Variants in FAM83E observed in about 807,000 individuals in gnomAD.
FAM83E encodes the protein scaffolding CK1 anchoring protein E.
A neutral mutation model predicts 34.3 loss-of-function variants in FAM83E; 29 were observed. The ratio of observed to expected loss-of-function variants is 0.85; its 90% CI spans 0.63 to 1.15. The LOEUF is 1.15. Ranked by LOEUF, FAM83E falls within the 50% of genes most tolerant of loss-of-function variation. FAM83E has a pLI of 0.00. For synonymous variants in FAM83E, 312 were observed against 311.6 expected (o/e 1.00, Z -0.01); for missense variants, 697 against 685.0 (o/e 1.02, Z -0.20).
At chr19:48,609,732 C>T in intron 5 of FAM83E, 144 bp downstream of exon 5, 1 of 940,430 alleles carries the variant, frequency 1.1e-6, no homozygotes, top group Non-Finnish European at 1.6e-6. Flanking sequence ...CACCAACCTC[C>T]TCCGCAGGGA....
intron 6 of FAM83E, among the ~76,000 whole-genome samples, chr19:48,602,670 G>T: frequency 1.0e-5 from 1 of 98,388 alleles, no homozygotes; most frequent in African/African-American, 4.2e-5. Context: ...AGGCATTGCA[G>T]AGCAAGACCC....
At chr19:48,605,529 C>T (rs1268721558) in intron 5 of FAM83E, among the ~76,000 whole-genome samples, 1 of 151,800 alleles carries the variant, frequency 6.6e-6, no homozygotes, top group African/African-American at 2.4e-5. Flanking sequence ...GAGCCAAGAT[C>T]GCGCCACTGC....
rs1021888439 is a variant in FAM83E, at chr19:48,600,390, C to T, written c.*719G>A. On this transcript the variant is annotated 3_prime_UTR_variant, in exon 7 of 7. Transcript: ENST00000263266. Reference sequence around the variant, plus strand: ...TCGCTCTGTCACCCAGGCTGGAGTGCAGTGGCGTGATCTCAGCTCACTGCA... The same window carrying T: ...TCGCTCTGTCACCCAGGCTGGAGTGTAGTGGCGTGATCTCAGCTCACTGCA... 3.3e-5 allele frequency among the ~76,000 whole-genome samples: 5 copies of T among 152,214 alleles called. No individual in the cohort carries two copies. Among genetic ancestry groups the T allele is most frequent in the Non-Finnish European group, 5.9e-5 (4 of 68,040 alleles).
chr19:48,607,712 G>T, intron 5 of FAM83E: 1 of 225,604 alleles, frequency 4.4e-6, no homozygotes, highest in Non-Finnish European at 8.7e-6. Context: ...TGATGTTCAT[G>T]GAGCATTCTT....
rs912203140 is a variant in FAM83E, at chr19:48,614,703, C to T, written c.-1256+5G>A. 4.7e-6 allele frequency: 4 copies of T among 851,904 alleles called. No homozygotes were observed. In the Admixed American group the frequency reaches 2.7e-4, roughly 58 times the overall value. The allele number at this position is 851,904 out of a possible 1,614,324, so 52.8% of individuals were successfully genotyped here. A position where few individuals can be genotyped will look rare whatever the true frequency, so the allele number is the denominator to read the frequency against. The stretch of plus-strand genomic sequence containing the variant: ...TCACCCATCCCCCCCATCGCCGGGG[C>T]TCACCCACACCGGCTAGTGCCGGGC... On this transcript the variant is annotated splice_donor_5th_base_variant and intron_variant, in intron 2 of 6. Coordinates refer to ENST00000263266, the MANE Select transcript of FAM83E (RefSeq NM_017708.4).
In FAM83E at chr19:48,613,507, G is replaced by GA. The variant is rs555990077; in HGVS notation, c.-136_-135insT. ...GTGGCCATCCGAGGCCTCCGGCGGGGCCCTGCAGATGTCCAAATGGCTCCC... is the reference window on the plus strand; with the variant it reads ...GTGGCCATCCGAGGCCTCCGGCGGGGACCCTGCAGATGTCCAAATGGCTCCC... On this transcript the variant is annotated 5_prime_UTR_variant, in exon 3 of 7. An upstream open reading frame in the 5' UTR gains an earlier in-frame stop. Coordinates refer to ENST00000263266, the MANE Select transcript of FAM83E (RefSeq NM_017708.4). 5.4e-5 allele frequency: 77 copies of GA among 1,427,774 alleles called. No homozygotes were observed. In the East Asian group the frequency reaches 1.2e-3, roughly 23 times the overall value. 88.4% of individuals were successfully genotyped at this position (1,427,774 alleles called of 1,614,324 possible). A position where few individuals can be genotyped will look rare whatever the true frequency, so the allele number is the denominator to read the frequency against.
intron 5 of FAM83E, 92 bp from the exon 6 acceptor site, chr19:48,604,003 A>C: frequency 1.5e-6 from 2 of 1,352,148 alleles, no homozygotes; most frequent in Non-Finnish European, 2.0e-6. Context: ...AGACCGTAGG[A>C]CCTCAGGCGA....
rs890951754 is a variant in FAM83E at position 48,614,422 on chromosome 19, C to T, written c.-1050G>A. 18 of 985,526 alleles carry T rather than the reference C, an allele frequency of 1.8e-5. No individual in the cohort carries two copies. In the Admixed American group the frequency reaches 1.8e-4, roughly 10 times the overall value. The allele number at this position is 985,526 out of a possible 1,614,324, so 61.0% of individuals were successfully genotyped here. ...CCCCAGCCTGGTTTCTGCCTAAATGCTATCTCCTGCCAGCTACCCGGACGC... is the reference window on the plus strand; with the variant it reads ...CCCCAGCCTGGTTTCTGCCTAAATGTTATCTCCTGCCAGCTACCCGGACGC... On this transcript the variant is annotated 5_prime_UTR_variant, in exon 3 of 7. Coordinates refer to ENST00000263266, the MANE Select transcript of FAM83E (RefSeq NM_017708.4).
chr19:48,612,196 G>A lies in FAM83E; in HGVS notation c.465+712C>T, dbSNP rs1052869262. On this transcript the variant is annotated intron_variant, in intron 3 of 6. Transcript: ENST00000263266. ...AGAAACCCTTCACGTGGGAGCTGGC[G>A]GACGCTAAGGCTGTGAAGTACACAG... Among the ~76,000 whole-genome samples, 8 of 152,200 alleles carry A rather than the reference G, an allele frequency of 5.3e-5. No homozygotes were observed. In the South Asian group the frequency reaches 8.3e-4, roughly 16 times the overall value.
chr19:48,613,227 C>CAGGTCTGG lies in FAM83E; in HGVS notation c.138_145dup (p.Cys49SerfsTer53). On this transcript the variant is annotated frameshift_variant, in exon 3 of 7. Transcript: ENST00000263266. LOFTEE classifies it high-confidence loss of function. ...GGGCCACAGCTCCTCGCGCTGCACG[C>CAGGTCTGG]AGGTCTGGAACGCCTCCGCGCCCTT... The CAGGTCTGG allele has an allele frequency of 6.2e-7, 1 of 1,610,898 alleles. No individual in the cohort carries two copies. Among genetic ancestry groups the CAGGTCTGG allele is most frequent in the Non-Finnish European group, 8.5e-7 (1 of 1,179,926 alleles).
chr19:48,614,676 C>CCTCACCCATCCCCCCCATCGCCGGGG, intron 2 of FAM83E, 32 bp downstream of exon 2: 1 of 982,954 alleles, frequency 1.0e-6, no homozygotes, highest in Non-Finnish European at 1.2e-6. Flanking sequence ...CCCGCCCCAC[C>CCTCACCCATCCCCCCCATCGCCGGGG]CTCACCCATC....
At chr19:48,609,265 C>CTTTTTTTTTTT (rs869031073) in intron 5 of FAM83E, among the ~76,000 whole-genome samples, 454 of 99,694 alleles carry the variant, frequency 4.6e-3, no homozygotes, top group Middle Eastern at 0.017. Context: ...TTCTTTCTTT[C>CTTTTTTTTTTT]TTTTTTTTTT....
chr19:48,613,825 T>C lies in FAM83E; in HGVS notation c.-453A>G. 5 of 985,448 alleles carry C rather than the reference T, an allele frequency of 5.1e-6. No individual in the cohort carries two copies. Among genetic ancestry groups the C allele is most frequent in the Non-Finnish European group, 6.0e-6 (5 of 829,940 alleles). The allele number at this position is 985,448 out of a possible 1,614,324, so 61.0% of individuals were successfully genotyped here. A position where few individuals can be genotyped will look rare whatever the true frequency, so the allele number is the denominator to read the frequency against. ...TCAGCTGTCCTGAATTTGGTCAGGC[T>C]GACCACTTGATCATTTCCAGGCGGC... On this transcript the variant is annotated 5_prime_UTR_variant, in exon 3 of 7. Coordinates refer to ENST00000263266, the MANE Select transcript of FAM83E (RefSeq NM_017708.4).
rs753358971 is a variant in FAM83E, at chr19:48,612,996, G to A, written c.377C>T (p.Thr126Ile). The A allele has an allele frequency of 1.2e-6, 2 of 1,605,320 alleles. No homozygotes were observed. The highest frequency in any genetic ancestry group is 1.7e-5 in the Admixed American group (1 of 58,650). Residue 126 changes from threonine to isoleucine, a missense_variant, in exon 3 of 7, where the codon ACC becomes ATC. Physicochemically the swap from Thr to Ile is moderately conservative, Grantham distance 89. Coordinates refer to ENST00000263266, the MANE Select transcript of FAM83E (RefSeq NM_017708.4). The part of the protein sequence containing the change: ...WPVDSAWKGI[T>I]RAQLYTQPPG... ...AGGCTGGGTGTACAGCTGCGCCCGGGTGATGCCTTTCCACGCAGAGTCCAC... is the reference window on the plus strand; with the variant it reads ...AGGCTGGGTGTACAGCTGCGCCCGGATGATGCCTTTCCACGCAGAGTCCAC...
intron 5 of FAM83E, among the ~76,000 whole-genome samples, chr19:48,605,780 A>T (rs752700261): frequency 4.7e-4 from 71 of 151,870 alleles, no homozygotes; most frequent in Admixed American, 8.5e-4. Flanking sequence ...TGAACTCCTG[A>T]GCTCAGGTGA....
Position 48,601,135 on chromosome 19 carries a change from G to C in FAM83E, c.1411C>G (p.Arg471Gly), listed in dbSNP as rs561108431. The change falls in exon 7 of 7, where the codon CGG (arginine) becomes GGG (glycine). Residue 471 changes from arginine (R) to glycine (G), a missense_variant. Transcript: ENST00000263266. Reference sequence around the variant, plus strand: ...CAGGGTTGCCCCCCAAGTCCTGCCCGGGGGGCCCAGTCTGACGGCCTGACG... The same window carrying C: ...CAGGGTTGCCCCCCAAGTCCTGCCCCGGGGGCCCAGTCTGACGGCCTGACG... Reference protein sequence around the residue: ...RGVRPSDWAPRAGLGGQP With the variant: ...RGVRPSDWAPGAGLGGQP 30 of 1,612,030 alleles carry C rather than the reference G, an allele frequency of 1.9e-5. No homozygotes were observed. In the South Asian group the frequency reaches 2.3e-4, roughly 12 times the overall value.
At chr19:48,602,551 T>TG (rs1973837303) in intron 6 of FAM83E, among the ~76,000 whole-genome samples, 1 of 150,080 alleles carries the variant, frequency 6.7e-6, no homozygotes, top group Non-Finnish European at 1.5e-5. Context: ...TGGGTGAGGG[T>TG]GCTCAGGACC....
At position 48,610,012 on chromosome 19, in the gene FAM83E, G is replaced by A; in HGVS notation, c.634-12C>T. ...CGGACATCCACGTTCTGTTGGTGTG[G>A]GGAGTGGAGGGTACACCCTTGCTGA... On this transcript the variant is annotated splice_polypyrimidine_tract_variant and intron_variant, in intron 4 of 6. Coordinates refer to ENST00000263266, the MANE Select transcript of FAM83E (RefSeq NM_017708.4). 2 of 1,609,516 alleles carry A rather than the reference G, an allele frequency of 1.2e-6. No individual in the cohort carries two copies. Among genetic ancestry groups the A allele is most frequent in the Non-Finnish European group, 1.7e-6 (2 of 1,179,798 alleles).
At chr19:48,607,557 G>A (rs1460542508) in intron 5 of FAM83E, 4 of 669,214 alleles carry the variant, frequency 6.0e-6, no homozygotes, top group South Asian at 2.0e-5. Flanking sequence ...AGCACGGCCC[G>A]TGGGTTTGAT....
Sources: allele counts gnomAD v4.1 joint callset (sites outside exome capture counted in the v4.1 genomes callset), GRCh38; gene constraint gnomAD v4.1.1; transcripts MANE v1.5; gene names NCBI Gene and HGNC (gene_info 2026-07-23, HGNC 2026-07-21).